Variants in MTIF3 observed in about 807,000 individuals in gnomAD.
MTIF3 encodes the protein translation initiation factor IF-3, mitochondrial.
A neutral mutation model predicts 20.7 loss-of-function variants in MTIF3; 13 were observed. That is an observed-to-expected ratio of 0.63 (90% CI 0.41 to 1.00). The LOEUF is 1.00. Among genes scored for constraint, MTIF3 ranks in the 50% least tolerant of loss-of-function variants. MTIF3 has a pLI of 0.00. For missense variants in MTIF3, 295 were observed against 324.5 expected, an observed-to-expected ratio of 0.91 and a Z score of 0.70; for synonymous variants, 114 against 112.5, an observed-to-expected ratio of 1.01 and a Z score of -0.08.
chr13:27,438,318 T>TAAA (rs1953860705), intron 3 of MTIF3, among the ~76,000 whole-genome samples: 1 of 5,356 alleles, frequency 1.9e-4, no homozygotes, highest in Non-Finnish European at 6.4e-4. Flanking sequence ...ACCCCATCTC[T>TAAA]ACAAAAAAAA....
chr13:27,446,771 T>A (rs1430162760), intron 1 of MTIF3, among the ~76,000 whole-genome samples: 2 of 152,196 alleles, frequency 1.3e-5, no homozygotes, highest in Non-Finnish European at 2.9e-5. Flanking sequence ...TAATGCATAG[T>A]GCCTTTATTT....
chr13:27,436,745 A>ATTTTTTTTTTTTT (rs66903644), intron 4 of MTIF3, among the ~76,000 whole-genome samples: 5 of 90,192 alleles, frequency 5.5e-5, no homozygotes, highest in Non-Finnish European at 8.0e-5. Context: ...ATTTTCTACA[A>ATTTTTTTTTTTTT]TTTTTTTTTT....
intron 1 of MTIF3, among the ~76,000 whole-genome samples, chr13:27,448,068 G>A (rs985878679): frequency 1.5e-5 from 2 of 130,780 alleles, no homozygotes; most frequent in Non-Finnish European, 3.1e-5. Context: ...CATTCTACCG[G>A]AAGTACTGAT....
chr13:27,439,952 C>CT (rs775105986), intron 3 of MTIF3, 37 bp downstream of exon 3: 1 of 1,577,222 alleles, frequency 6.3e-7, no homozygotes, highest in East Asian at 2.3e-5. Context: ...ATTTGTAGCT[C>CT]TTAAAGGATT....
Position 27,440,331 on chromosome 13 carries a change from T to C in MTIF3, c.118A>G (p.Ile40Val), listed in dbSNP as rs748692971. The change falls in exon 3 of 5, where the codon ATT (isoleucine) becomes GTT (valine). Residue 40 changes from isoleucine to valine, a missense_variant. Transcript: ENST00000381120. ...QKTAPAQLSP[I>V]ASAPRLSFLI... ...AAGGAGAGTCTTGGGGCAGAAGCAA[T>C]AGGGGACAACTGTGCTGGTGCTGTC... is the stretch of plus-strand genomic sequence containing the variant. The C allele has an allele frequency of 4.3e-6, 7 of 1,614,040 alleles. No individual in the cohort carries two copies. Among genetic ancestry groups the C allele is most frequent in the African/African-American group, 2.7e-5 (2 of 74,886 alleles).
chr13:27,450,153 G>A (rs773988683), intron 1 of MTIF3: 9 of 152,330 alleles, frequency 5.9e-5, no homozygotes, highest in African/African-American at 1.9e-4. Context: ...TGCAGAACGG[G>A]ACCGGCGGAG....
At chr13:27,450,413 C>T (rs911882151) in intron 1 of MTIF3, 96 bp downstream of exon 1, 1 of 152,334 alleles carries the variant, frequency 6.6e-6, no homozygotes, top group Admixed American at 6.5e-5. Context: ...GTAGCCCTGA[C>T]CTTCCGGGTG....
chr13:27,435,720 G>A lies in MTIF3; in HGVS notation c.792C>T (p.Asn264=), dbSNP rs1953714187. Residue 264 remains asparagine, a synonymous_variant, in exon 5 of 5, where the codon AAC becomes AAT. Coordinates refer to ENST00000381120, the MANE Select transcript of MTIF3 (RefSeq NM_152912.5). The part of the protein sequence containing the change: ...TQETQERDTL[N]KDHGNDKESN... The stretch of plus-strand genomic sequence containing the variant: ...ATTCCTTATCATTTCCATGGTCTTT[G>A]TTCAAAGTGTCTCTTTCCTGGGTCT... 1 of 1,614,068 alleles carries A rather than the reference G, an allele frequency of 6.2e-7. No individual in the cohort carries two copies. The highest frequency in any genetic ancestry group is 8.5e-7 in the Non-Finnish European group (1 of 1,179,986).
At chr13:27,437,344 C>A in intron 3 of MTIF3, 71 bp from the exon 4 acceptor site, 1 of 1,401,586 alleles carries the variant, frequency 7.1e-7, no homozygotes, top group East Asian at 2.3e-5. Flanking sequence ...CCCAACATGC[C>A]CATCATAAAA....
rs115250138 is a variant in MTIF3 at position 27,443,650 on chromosome 13, T to C, written c.-2+1438A>G. On this transcript the variant is annotated intron_variant, in intron 2 of 4. Transcript: ENST00000381120. ...GCTTTAATACTAACTCAGTACTGGC[T>C]ATCTTTTTCCCTTAGTAGTTATGAA... is the stretch of plus-strand genomic sequence containing the variant. 6.9e-3 allele frequency among the ~76,000 whole-genome samples: 1,049 copies of C among 152,366 alleles called. 8 individuals carry two copies. Among genetic ancestry groups the C allele is most frequent in the African/African-American group, 0.023 (976 of 41,586 alleles).
Position 27,437,271 on chromosome 13 carries a change from G to A in MTIF3, c.463C>T (p.Pro155Ser). The change falls in exon 4 of 5, where the codon CCA (proline) becomes TCA (serine). Residue 155 changes from proline to serine, a missense_variant and splice_region_variant. Physicochemically the swap from Pro to Ser is moderately conservative, Grantham distance 74. Transcript: ENST00000381120. ...EMEKANPKTGPTLRKELILSS... is the reference protein window; with the variant it reads ...EMEKANPKTGSTLRKELILSS... ...AAAATCAGTTCCTTTCTCAGGGTTG[G>A]TCCTGGTTTGAAACAGATAGGGTGC... The A allele has an allele frequency of 6.2e-7, 1 of 1,612,982 alleles. No homozygotes were observed. Among genetic ancestry groups the A allele is most frequent in the Non-Finnish European group, 8.5e-7 (1 of 1,179,862 alleles).
At chr13:27,441,983 C>T (rs969795732) in intron 2 of MTIF3, among the ~76,000 whole-genome samples, 1 of 152,180 alleles carries the variant, frequency 6.6e-6, no homozygotes, top group Non-Finnish European at 1.5e-5. Flanking sequence ...TCTCAACACC[C>T]TCCTTACCTA....
intron 1 of MTIF3, among the ~76,000 whole-genome samples, chr13:27,447,706 G>T (rs1427317253): frequency 3.8e-5 from 5 of 130,792 alleles, no homozygotes; most frequent in Non-Finnish European, 3.2e-5. Flanking sequence ...TCCCCAAGAG[G>T]CAACTATTGT....
intron 1 of MTIF3, among the ~76,000 whole-genome samples, chr13:27,447,198 C>CAAAAAAAAAAA (rs533396868): frequency 1.2e-5 from 1 of 84,188 alleles, no homozygotes. Context: ...TGGGTTAGGC[C>CAAAAAAAAAAA]AAAAAAAAAA....
Position 27,450,556 on chromosome 13 carries a change from C to G in MTIF3, c.-118G>C, listed in dbSNP as rs569931254. 7.2e-6 allele frequency: 1 copy of G among 139,454 alleles called. No homozygotes were observed. Among genetic ancestry groups the G allele is most frequent in the South Asian group, 2.1e-4 (1 of 4,832 alleles). 8.6% of individuals were successfully genotyped at this position (139,454 alleles called of 1,614,324 possible). ...CATACTGTAGCGGACGCAAGTACAG[C>G]GGATCTGCGGCGAGTCCCCTTCGCT... On this transcript the variant is annotated 5_prime_UTR_variant, in exon 1 of 5. Transcript: ENST00000381120.
At chr13:27,449,249 C>G (rs1264136892) in intron 1 of MTIF3, among the ~76,000 whole-genome samples, 2 of 152,166 alleles carry the variant, frequency 1.3e-5, no homozygotes, top group African/African-American at 4.8e-5. Context: ...ATCCAGTCCT[C>G]TCCGTATCCA....
chr13:27,448,320 A>C (rs1406297593), intron 1 of MTIF3, among the ~76,000 whole-genome samples: 1 of 152,234 alleles, frequency 6.6e-6, no homozygotes, highest in African/African-American at 2.4e-5. Flanking sequence ...TCAAAGTTGC[A>C]TAGATTCTAG....
At chr13:27,438,509 T>TTTTTA (rs1555259812) in intron 3 of MTIF3, among the ~76,000 whole-genome samples, 3 of 123,612 alleles carry the variant, frequency 2.4e-5, no homozygotes, top group South Asian at 2.7e-4. Flanking sequence ...TTTTTTTTTT[T>TTTTTA]AAACACAGGG....
intron 1 of MTIF3, among the ~76,000 whole-genome samples, chr13:27,446,189 C>G (rs1159210343): frequency 6.6e-6 from 1 of 151,974 alleles, no homozygotes; most frequent in African/African-American, 2.4e-5. Context: ...CCCAAGTAGC[C>G]GGGATTACAG....
Sources: gnomAD v4.1 joint callset for allele counts (sites outside exome capture counted in the v4.1 genomes callset) on GRCh38, gnomAD v4.1.1 for gene constraint, MANE v1.5 for transcripts, NCBI Gene and HGNC (gene_info 2026-07-23, HGNC 2026-07-21) for gene names.